DMTF1: variants seen among roughly 807,000 people sequenced by gnomAD.
DMTF1 encodes cyclin-D-binding Myb-like transcription factor 1.
In DMTF1, 39 loss-of-function variants were observed where a neutral mutation model predicts 91.1. That is an observed-to-expected ratio of 0.43 (90% CI 0.33 to 0.56). DMTF1 has a LOEUF of 0.56. Among genes scored for constraint, DMTF1 ranks in the 20% least tolerant of loss-of-function variants. The probability of loss-of-function intolerance (pLI) is 0.05; values close to 1 mark genes in which losing one functional copy is unlikely to be tolerated. For synonymous variants in DMTF1, 338 were observed against 309.5 expected, an observed-to-expected ratio of 1.09 and a Z score of -0.97; for missense variants, 750 against 914.5, an observed-to-expected ratio of 0.82 and a Z score of 2.32.
In DMTF1 at chr7:87,171,023, G is replaced by T; in HGVS notation, c.261G>T (p.Val87=). ...PLSENDQSFE[V]TMTATTEVAD... is the part of the protein sequence containing the mutation. ...CAGAAAATGATCAGAGCTTTGAAGT[G>T]ACCATGACTGCAACCACAGAAGTAG... Residue 87 remains valine (V), a synonymous_variant, in exon 5 of 18, where the codon GTG becomes GTT. Coordinates refer to ENST00000331242, the MANE Select transcript of DMTF1 (RefSeq NM_001142327.2). The T allele has an allele frequency of 1.2e-6, 2 of 1,612,312 alleles. No individual in the cohort carries two copies. The highest frequency in any genetic ancestry group is 1.7e-6 in the Non-Finnish European group (2 of 1,178,630).
At chr7:87,194,525 T>C in intron 16 of DMTF1, 159 bp from the exon 17 acceptor site, 1 of 532,276 alleles carries the variant, frequency 1.9e-6, no homozygotes. Flanking sequence ...TGTTAGATTG[T>C]GAGGTCATCT....
At chr7:87,174,955 C>T (rs961836259) in intron 7 of DMTF1, among the ~76,000 whole-genome samples, 4 of 151,914 alleles carry the variant, frequency 2.6e-5, no homozygotes, top group Admixed American at 2.6e-4. Context: ...TTTCAAGAAG[C>T]CTATAGAGTT....
intron 13 of DMTF1, 58 bp downstream of exon 13, chr7:87,188,359 C>G (rs567562404): frequency 6.4e-7 from 1 of 1,557,164 alleles, no homozygotes; most frequent in East Asian, 2.3e-5. Context: ...TGGTTAATGG[C>G]TCTGATGTCT....
chr7:87,182,903 T>A (rs1797665189), intron 10 of DMTF1, among the ~76,000 whole-genome samples: 5 of 152,218 alleles, frequency 3.3e-5, no homozygotes, highest in Admixed American at 3.3e-4. Flanking sequence ...GATGTCCTGA[T>A]CATACTGTTA....
chr7:87,174,279 G>A (rs1262862760), intron 6 of DMTF1, among the ~76,000 whole-genome samples: 1 of 152,066 alleles, frequency 6.6e-6, no homozygotes, highest in Non-Finnish European at 1.5e-5. Flanking sequence ...TTTTGAGCAT[G>A]TTTGGCTTTT....
chr7:87,185,574 T>C (rs149173546), intron 11 of DMTF1, among the ~76,000 whole-genome samples: 96 of 152,350 alleles, frequency 6.3e-4, no homozygotes, highest in African/African-American at 2.2e-3. Flanking sequence ...GTGCCTCATC[T>C]GGCTCTAACC....
chr7:87,189,178 A>G (rs1409020957), intron 13 of DMTF1, among the ~76,000 whole-genome samples: 2 of 152,178 alleles, frequency 1.3e-5, no homozygotes, highest in African/African-American at 2.4e-5. Context: ...AACACCCTGC[A>G]TGTTTCCAAA....
chr7:87,160,276 C>CTTT (rs753441691), intron 1 of DMTF1, among the ~76,000 whole-genome samples: 27 of 134,688 alleles, frequency 2.0e-4, no homozygotes, highest in African/African-American at 7.1e-4. Context: ...TTTGTCATTT[C>CTTT]TTTTTTTTTT....
chr7:87,157,641 T>C lies in DMTF1; in HGVS notation c.-132+5086T>C, dbSNP rs546027386. 6.6e-5 allele frequency among the ~76,000 whole-genome samples: 10 copies of C among 152,232 alleles called. No individual in the cohort carries two copies. The South Asian group carries it at 1.0e-3, about 16-fold the overall frequency. On this transcript the variant is annotated intron_variant, in intron 1 of 17. Coordinates refer to ENST00000331242, the MANE Select transcript of DMTF1 (RefSeq NM_001142327.2). ...TTTACATCAATACTGAAAGGAAGAA[T>C]AGCATGAATAACTCATTTCTTTAAT...
At chr7:87,187,884 T>C in intron 12 of DMTF1, 1 of 566,304 alleles carries the variant, frequency 1.8e-6, no homozygotes, top group Non-Finnish European at 3.1e-6. Flanking sequence ...AGAATAACAA[T>C]ATTAAGAATT....
chr7:87,189,957 TGGTAAG>T (rs1051945843), intron 13 of DMTF1, among the ~76,000 whole-genome samples: 6 of 152,120 alleles, frequency 3.9e-5, no homozygotes, highest in African/African-American at 7.2e-5. Context: ...GCATTTCTAT[TGGTAAG>T]GGCATTAGAT....
intron 6 of DMTF1, 22 bp downstream of exon 6, chr7:87,173,671 T>A (rs760728508): frequency 6.7e-7 from 1 of 1,500,454 alleles, no homozygotes; most frequent in South Asian, 1.2e-5. Context: ...CTGTGAATTT[T>A]AGTGCCTAGT....
At chr7:87,194,242 G>C in intron 16 of DMTF1, 140 bp downstream of exon 16, 1 of 895,426 alleles carries the variant, frequency 1.1e-6, no homozygotes, top group South Asian at 1.9e-5. Context: ...GTCACTGGCA[G>C]AAATGGGCAG....
chr7:87,162,575 T>A (rs1792744023), intron 1 of DMTF1, among the ~76,000 whole-genome samples: 1 of 152,220 alleles, frequency 6.6e-6, no homozygotes, highest in Non-Finnish European at 1.5e-5. Context: ...TTCTTTTTTT[T>A]ACTTTTTTAC....
intron 4 of DMTF1, among the ~76,000 whole-genome samples, chr7:87,168,589 C>T (rs1261459830): frequency 1.3e-5 from 2 of 152,208 alleles, no homozygotes; most frequent in Non-Finnish European, 2.9e-5. Flanking sequence ...ATTATAATCA[C>T]TGTCTTGCAT....
intron 1 of DMTF1, among the ~76,000 whole-genome samples, chr7:87,160,123 A>G (rs575091960): frequency 2.6e-5 from 4 of 152,260 alleles, no homozygotes; most frequent in East Asian, 1.9e-4. Flanking sequence ...TACTATCACA[A>G]TTTGATTTAT....
intron 13 of DMTF1, among the ~76,000 whole-genome samples, chr7:87,188,658 G>A (rs1799020023): frequency 6.6e-6 from 1 of 152,158 alleles, no homozygotes; most frequent in Admixed American, 6.5e-5. Context: ...CAACTGGTAT[G>A]TCGTGTAGTA....
rs531107336 is a variant in DMTF1, at chr7:87,158,100, A to T, written c.-131-5395A>T. Among the ~76,000 whole-genome samples, 791 of 152,186 alleles carry T rather than the reference A, an allele frequency of 5.2e-3. 4 individuals carry two copies. Among genetic ancestry groups the T allele is most frequent in the African/African-American group, 0.018 (767 of 41,544 alleles). ...ATCAACTTTTGTGGCCCAGAAGTATATACAAATTTTGAAGTTTGGCAGAAG... is the reference window on the plus strand; with the variant it reads ...ATCAACTTTTGTGGCCCAGAAGTATTTACAAATTTTGAAGTTTGGCAGAAG... On this transcript the variant is annotated intron_variant, in intron 1 of 17. Coordinates refer to ENST00000331242, the MANE Select transcript of DMTF1 (RefSeq NM_001142327.2).
chr7:87,171,269 A>G (rs965683612), intron 5 of DMTF1, among the ~76,000 whole-genome samples, 180 bp downstream of exon 5: 1 of 151,820 alleles, frequency 6.6e-6, no homozygotes, highest in African/African-American at 2.4e-5. Context: ...ATTACTGCCA[A>G]AGAGTTGAGT....
Sources: gnomAD v4.1 joint callset for allele counts (sites outside exome capture counted in the v4.1 genomes callset) on GRCh38, gnomAD v4.1.1 for gene constraint, MANE v1.5 for transcripts, NCBI Gene and HGNC (gene_info 2026-07-23, HGNC 2026-07-21) for gene names.